Variants in MCUB observed in about 807,000 individuals in gnomAD.
The protein encoded by MCUB is calcium uniporter regulatory subunit MCUb, mitochondrial.
In MCUB, 46 loss-of-function variants were observed where a neutral mutation model predicts 41.4. The observed-to-expected ratio is 1.11, with a 90% CI of 0.88 to 1.42. The LOEUF (loss-of-function observed/expected upper bound fraction) is 1.42, where lower values mean the gene tolerates loss of function less well. Among genes scored for constraint, MCUB ranks in the 40% most tolerant of loss-of-function variants. The pLI is 0.00. For missense variants in MCUB, 403 were observed against 404.9 expected, an observed-to-expected ratio of 1.00 and a Z score of 0.04; for synonymous variants, 148 against 148.2, an observed-to-expected ratio of 1.00 and a Z score of 0.01.
intron 1 of MCUB, among the ~76,000 whole-genome samples, chr4:109,586,059 TC>T (rs1358625171): frequency 6.6e-6 from 1 of 152,238 alleles, no homozygotes; most frequent in East Asian, 1.9e-4. Context: ...CCAACTTGGT[TC>T]CATTCTCCCT....
At chr4:109,685,981 A>G (rs531727235) in intron 7 of MCUB, among the ~76,000 whole-genome samples, 1 of 152,318 alleles carries the variant, frequency 6.6e-6, no homozygotes, top group South Asian at 2.1e-4. Context: ...CAGTAATTTC[A>G]TAACAAAAAA....
chr4:109,610,195 T>C (rs12500353), intron 1 of MCUB, among the ~76,000 whole-genome samples: 79,523 of 151,944 alleles, frequency 0.52, 21,200 homozygotes, highest in South Asian at 0.69. Context: ...TGGCCTAGAG[T>C]AGGTCCAGAA....
chr4:109,590,017 C>G (rs566899433), intron 1 of MCUB, among the ~76,000 whole-genome samples: 1 of 152,274 alleles, frequency 6.6e-6, no homozygotes, highest in South Asian at 2.1e-4. Context: ...AAGCTCTCTA[C>G]GTTGTTCCTT....
chr4:109,615,991 G>A (rs1728117932), intron 1 of MCUB, among the ~76,000 whole-genome samples: 1 of 152,170 alleles, frequency 6.6e-6, no homozygotes, highest in African/African-American at 2.4e-5. Flanking sequence ...AGAAAAGGAA[G>A]TACCTCCAAC....
At chr4:109,561,106 G>A (rs1053804125) in intron 1 of MCUB, 1 of 152,504 alleles carries the variant, frequency 6.6e-6, no homozygotes, top group Non-Finnish European at 1.5e-5. Context: ...CACCAAAAAA[G>A]ACTAGAAGAA....
intron 1 of MCUB, among the ~76,000 whole-genome samples, chr4:109,594,240 TA>T (rs1455867567): frequency 6.6e-6 from 1 of 152,218 alleles, no homozygotes; most frequent in Non-Finnish European, 1.5e-5. Flanking sequence ...AATATCTGTC[TA>T]AAAAATTGCT....
rs1402597547 is a variant in MCUB at position 109,687,810 on chromosome 4, C to G, written c.*218C>G. 3.8e-6 allele frequency: 2 copies of G among 531,994 alleles called. No homozygotes were observed. Among genetic ancestry groups the G allele is most frequent in the Admixed American group, 7.3e-5 (2 of 27,490 alleles). 33.0% of individuals were successfully genotyped at this position (531,994 alleles called of 1,614,324 possible). A position where few individuals can be genotyped will look rare whatever the true frequency, so the allele number is the denominator to read the frequency against. The stretch of plus-strand genomic sequence containing the variant: ...GGCTTGTATGCGTCTATCAAAGCAA[C>G]GGTGGCTGCTGTTAGCTAAAAATCC... On this transcript the variant is annotated 3_prime_UTR_variant, in exon 8 of 8. Transcript: ENST00000394650.
intron 1 of MCUB, among the ~76,000 whole-genome samples, chr4:109,561,367 CT>C (rs967844830): frequency 1.3e-5 from 2 of 151,938 alleles, no homozygotes; most frequent in African/African-American, 4.8e-5. Context: ...TTATTTTGTT[CT>C]TTTTTTTCCT....
At position 109,660,207 on chromosome 4, in the gene MCUB, T is replaced by A. The variant is rs4698744; in HGVS notation, c.188T>A (p.Ile63Asn). 0.3 allele frequency: 460,562 copies of A among 1,529,664 alleles called. 71,920 individuals are homozygous for A. Among genetic ancestry groups the A allele is most frequent in the East Asian group, 0.46 (19,940 of 43,244 alleles). 94.8% of individuals were successfully genotyped at this position (1,529,664 alleles called of 1,614,324 possible). A position where few individuals can be genotyped will look rare whatever the true frequency, so the allele number is the denominator to read the frequency against. The change falls in exon 3 of 8, where the codon ATT (isoleucine) becomes AAT (asparagine). Residue 63 changes from isoleucine to asparagine, a missense_variant. By Grantham distance (149) the Ile-to-Asn change is moderately radical. Coordinates refer to ENST00000394650, the MANE Select transcript of MCUB (RefSeq NM_017918.5). ...TTTTCCTTAACAGAAATAACAGTTA[T>A]TTATAGACATGGCCTTCCCTTGGTA... ...TVVPPDEITV[I>N]YRHGLPLVTL...
At chr4:109,574,175 T>A (rs1256982606) in intron 1 of MCUB, among the ~76,000 whole-genome samples, 5 of 152,092 alleles carry the variant, frequency 3.3e-5, no homozygotes, top group African/African-American at 9.7e-5. Context: ...ATTTTTAATC[T>A]AGTGAAAAAG....
intron 1 of MCUB, among the ~76,000 whole-genome samples, chr4:109,593,091 A>G (rs2126128952): frequency 6.6e-6 from 1 of 152,346 alleles, no homozygotes; most frequent in South Asian, 2.1e-4. Context: ...GGCTAGAGCA[A>G]GTTGGCTCTG....
At chr4:109,575,101 G>A (rs1322691497) in intron 1 of MCUB, among the ~76,000 whole-genome samples, 1 of 152,104 alleles carries the variant, frequency 6.6e-6, no homozygotes, top group Non-Finnish European at 1.5e-5. Context: ...TCCTTTCATC[G>A]CTGATGTTCT....
At chr4:109,621,585 A>G (rs956548763) in intron 1 of MCUB, among the ~76,000 whole-genome samples, 1 of 152,254 alleles carries the variant, frequency 6.6e-6, no homozygotes, top group Non-Finnish European at 1.5e-5. Flanking sequence ...GTACTGAATT[A>G]TCATACCCTG....
chr4:109,613,637 C>T (rs62326054), intron 1 of MCUB, among the ~76,000 whole-genome samples: 36,324 of 152,040 alleles, frequency 0.24, 5,400 homozygotes, highest in South Asian at 0.36. Flanking sequence ...TCATGGAAGA[C>T]GCATCCCATC....
chr4:109,653,813 G>C (rs927077762), intron 1 of MCUB, among the ~76,000 whole-genome samples: 2 of 152,208 alleles, frequency 1.3e-5, no homozygotes, highest in African/African-American at 2.4e-5. Flanking sequence ...GACATCAGGT[G>C]ATCCACCTGC....
rs1377276163 is a variant in MCUB, at chr4:109,615,493, T to C, written c.100-43518T>C. On this transcript the variant is annotated intron_variant, in intron 1 of 7. Coordinates refer to ENST00000394650, the MANE Select transcript of MCUB (RefSeq NM_017918.5). ...CGATCTCGGCTCACTGCAACCTCCG[T>C]CTGCCGGGTTTTACGCCATTCTCCT... Among the ~76,000 whole-genome samples the C allele has an allele frequency of 3.3e-5, 5 of 151,764 alleles. No individual in the cohort carries two copies. In the East Asian group the frequency reaches 5.8e-4, roughly 18 times the overall value.
At chr4:109,682,906 A>C (rs1579099881) in intron 5 of MCUB, 164 bp downstream of exon 5, 3 of 565,546 alleles carry the variant, frequency 5.3e-6, no homozygotes, top group Middle Eastern at 7.6e-4. Flanking sequence ...CATTTTTCAG[A>C]TGAGGAAACT....
At chr4:109,571,677 G>A (rs1726920648) in intron 1 of MCUB, among the ~76,000 whole-genome samples, 1 of 152,326 alleles carries the variant, frequency 6.6e-6, no homozygotes, top group South Asian at 2.1e-4. Context: ...AGGTCAAGCA[G>A]TAGCTCTGCT....
intron 1 of MCUB, among the ~76,000 whole-genome samples, chr4:109,566,875 A>G (rs1397809976): frequency 6.6e-6 from 1 of 152,210 alleles, no homozygotes; most frequent in African/African-American, 2.4e-5. Context: ...CATTTAGTTT[A>G]TATAGCAGAT....
Sources: allele counts gnomAD v4.1 joint callset (sites outside exome capture counted in the v4.1 genomes callset), GRCh38; gene constraint gnomAD v4.1.1; transcripts MANE v1.5; gene names NCBI Gene and HGNC (gene_info 2026-07-23, HGNC 2026-07-21).